ENO2: variants seen among roughly 807,000 people sequenced by gnomAD.
The protein encoded by ENO2 is gamma-enolase.
A neutral mutation model predicts 48.7 loss-of-function variants in ENO2; 19 were observed. The observed-to-expected ratio is 0.39, with a 90% CI of 0.27 to 0.57. The LOEUF (loss-of-function observed/expected upper bound fraction) is 0.57. ENO2 is among the 20% of genes least tolerant of loss of function. ENO2 has a pLI of 0.58. For missense variants in ENO2, 416 were observed against 555.0 expected (o/e 0.75, Z 2.52); for synonymous variants, 198 against 213.4 (o/e 0.93, Z 0.63).
chr12:6,920,827 C>G (rs968566952), intron 8 of ENO2, among the ~76,000 whole-genome samples: 1 of 145,930 alleles, frequency 6.9e-6, no homozygotes, highest in Non-Finnish European at 1.5e-5. Context: ...TCCCAAAGTG[C>G]TGGGATTACA....
intron 1 of ENO2, 21 bp from the exon 2 acceptor site, chr12:6,915,800 C>A: frequency 1.9e-6 from 3 of 1,548,598 alleles, no homozygotes; most frequent in Non-Finnish European, 2.6e-6. Context: ...CTTTCTCCTT[C>A]CTTCCCTTCC....
chr12:6,922,663 AC>A lies in ENO2; in HGVS notation c.1236-64del. On this transcript the variant is annotated intron_variant, in intron 11 of 11. Coordinates refer to ENST00000229277, the MANE Select transcript of ENO2 (RefSeq NM_001975.3). This position sits in a 1 kb window ranked among gnomAD's most constrained non-coding sequence, Gnocchi z 5.3. The stretch of plus-strand genomic sequence containing the variant: ...TGTGGGGGTGGTTGGAGTCTGGGGG[AC>A]CCCTAGAGAGAGAAGCAGGATCCTC... 6.3e-7 allele frequency: 1 copy of A among 1,575,428 alleles called. No individual in the cohort carries two copies.
rs1356475547 is a variant in ENO2, at chr12:6,915,817, GGA to G, written c.-12-1_-12del. On this transcript the variant is annotated splice_acceptor_variant and splice_polypyrimidine_tract_variant and intron_variant, in intron 1 of 11. Transcript: ENST00000229277. LOFTEE classifies it low-confidence loss of function (5UTR_SPLICE). ...TTCTCCTTCCTTCCCTTCCACCCGA[GGA>G]GATCCCAGCCATCATGTCCATAGAG... is the stretch of plus-strand genomic sequence containing the variant. 6.2e-7 allele frequency: 1 copy of G among 1,612,538 alleles called. No individual in the cohort carries two copies. Among genetic ancestry groups the G allele is most frequent in the Non-Finnish European group, 8.5e-7 (1 of 1,179,402 alleles).
intron 7 of ENO2, among the ~76,000 whole-genome samples, chr12:6,918,470 C>G (rs1945311703): frequency 6.8e-6 from 1 of 148,100 alleles, no homozygotes; most frequent in Non-Finnish European, 1.5e-5. Flanking sequence ...CCTGCCTCAG[C>G]CTCCCGAGTA....
chr12:6,917,206 A>G (rs1555141704), intron 5 of ENO2, 99 bp downstream of exon 5: 1 of 1,451,240 alleles, frequency 6.9e-7, no homozygotes, highest in African/African-American at 1.4e-5. Context: ...TTCCTCAGGA[A>G]TGACTGTCAG....
chr12:6,919,681 C>G lies in ENO2; in HGVS notation c.783C>G (p.Phe261Leu). 6.2e-7 allele frequency: 1 copy of G among 1,614,146 alleles called. No homozygotes were observed. The highest frequency in any genetic ancestry group is 8.5e-7 in the Non-Finnish European group (1 of 1,180,034). The change falls in exon 8 of 12, where the codon TTC becomes TTG. Residue 261 changes from phenylalanine to leucine, a missense_variant. Phe to Leu is a conservative substitution (Grantham distance 22). Transcript: ENST00000229277. ...GTGATGGCAAATATGACTTGGACTT[C>G]AAGTCTCCCACTGATCCTTCCCGAT... ...FYRDGKYDLD[F>L]KSPTDPSRYI...
At chr12:6,920,762 G>A (rs1384863187) in intron 8 of ENO2, among the ~76,000 whole-genome samples, 42 of 103,712 alleles carry the variant, frequency 4.0e-4, no homozygotes, top group Non-Finnish European at 7.1e-4. Context: ...GTTTAGCCAT[G>A]TTGCTCATGG....
rs375515019 is a variant in ENO2, at chr12:6,915,809, C to A, written c.-12-12C>A. The A allele has an allele frequency of 1.3e-5, 21 of 1,588,448 alleles. No homozygotes were observed. Among genetic ancestry groups the A allele is most frequent in the Non-Finnish European group, 1.7e-5 (20 of 1,163,822 alleles). ...TCTTATCTTTCTCCTTCCTTCCCTT[C>A]CACCCGAGGAGATCCCAGCCATCAT... On this transcript the variant is annotated splice_polypyrimidine_tract_variant and intron_variant, in intron 1 of 11. Transcript: ENST00000229277.
rs782033974 is a variant in ENO2, at chr12:6,922,798, T to C, written c.1303T>C (p.Ter435ArgextTer21). ...TAACTTCCGTAATCCCAGTGTGCTG[T>C]GATTCCTCTGCTTGCCTGGAGACGT... ...GHNFRNPSVL[*>R] Residue 435 changes from the stop codon to arginine, a stop_lost, in exon 12 of 12, where the codon TGA becomes CGA. Coordinates refer to ENST00000229277, the MANE Select transcript of ENO2 (RefSeq NM_001975.3). This position sits in a 1 kb window ranked among gnomAD's most constrained non-coding sequence, Gnocchi z 5.3. 1 of 1,613,996 alleles carries C rather than the reference T, an allele frequency of 6.2e-7. No individual in the cohort carries two copies. The highest frequency in any genetic ancestry group is 1.1e-5 in the South Asian group (1 of 91,074).
At chr12:6,917,919 T>C (rs1555141797) in intron 6 of ENO2, 21 bp from the exon 7 acceptor site, 4 of 1,613,252 alleles carry the variant, frequency 2.5e-6, no homozygotes, top group Non-Finnish European at 3.4e-6. Flanking sequence ...TTGACCCTTC[T>C]GTCTTTCTGT....
At chr12:6,921,909 C>A in intron 9 of ENO2, 127 bp downstream of exon 9, 3 of 1,483,980 alleles carry the variant, frequency 2.0e-6, no homozygotes, top group East Asian at 2.4e-5. Context: ...CCTCACAGTT[C>A]TCTCACCTCT....
At position 6,922,583 on chromosome 12, in the gene ENO2, C is replaced by G; in HGVS notation, c.1236-148C>G. On this transcript the variant is annotated intron_variant, in intron 11 of 11. Coordinates refer to ENST00000229277, the MANE Select transcript of ENO2 (RefSeq NM_001975.3). The surrounding 1 kb of genome is among the most constrained non-coding windows in gnomAD (Gnocchi z 5.3). ...GGCCTGATTGACAAATCCCAGAGAT[C>G]ACATGGGAAAGCCAGGGAATGCTAA... 4 of 1,248,844 alleles carry G rather than the reference C, an allele frequency of 3.2e-6. No individual in the cohort carries two copies. Among genetic ancestry groups the G allele is most frequent in the Non-Finnish European group, 1.2e-6 (1 of 863,044 alleles). The allele number at this position is 1,248,844 out of a possible 1,614,324, so 77.4% of individuals were successfully genotyped here. A position where few individuals can be genotyped will look rare whatever the true frequency, so the allele number is the denominator to read the frequency against.
At chr12:6,918,684 T>C (rs747409681) in intron 7 of ENO2, among the ~76,000 whole-genome samples, 1 of 150,712 alleles carries the variant, frequency 6.6e-6, no homozygotes, top group Non-Finnish European at 1.5e-5. Flanking sequence ...TAGCATCTGT[T>C]AAGTTGCCAC....
At chr12:6,919,973 C>T (rs1945325389) in intron 8 of ENO2, among the ~76,000 whole-genome samples, 1 of 152,134 alleles carries the variant, frequency 6.6e-6, no homozygotes, top group South Asian at 2.1e-4. Context: ...TCTGTTCTGT[C>T]TCAGATCCTG....
Position 6,916,356 on chromosome 12 carries a change from T to G in ENO2, c.86-61T>G. On this transcript the variant is annotated intron_variant, in intron 2 of 11. Transcript: ENST00000229277. The surrounding 1 kb of genome is among the most constrained non-coding windows in gnomAD (Gnocchi z 4.5). ...GGCAGGCAGTTTAGAGCCAGAAGGC[T>G]GAAGGACTCCCTGGCCCCTGTGTCC... The G allele has an allele frequency of 6.6e-7, 1 of 1,520,688 alleles. No individual in the cohort carries two copies. Among genetic ancestry groups the G allele is most frequent in the South Asian group, 1.2e-5 (1 of 83,850 alleles). The allele number at this position is 1,520,688 out of a possible 1,614,324, so 94.2% of individuals were successfully genotyped here. A position where few individuals can be genotyped will look rare whatever the true frequency, so the allele number is the denominator to read the frequency against.
In ENO2 at chr12:6,917,058, A is replaced by G. The variant is rs782790445; in HGVS notation, c.261A>G (p.Gln87=). 1.2e-6 allele frequency: 2 copies of G among 1,614,172 alleles called. No homozygotes were observed. Among genetic ancestry groups the G allele is most frequent in the Non-Finnish European group, 1.7e-6 (2 of 1,180,014 alleles). Residue 87 remains glutamine (Q), a synonymous_variant, in exon 5 of 12, where the codon CAA becomes CAG. Coordinates refer to ENST00000229277, the MANE Select transcript of ENO2 (RefSeq NM_001975.3). ...CTCAGGGTCTCTCTGTGGTGGAGCA[A>G]GAGAAACTGGACAACCTGATGCTGG... The part of the protein sequence containing the change: ...LISSGLSVVE[Q]EKLDNLMLEL...
Position 6,923,171 on chromosome 12 carries a change from T to A in ENO2, c.*371T>A, listed in dbSNP as rs1945358086. The A allele has an allele frequency of 1.1e-5, 3 of 267,166 alleles. No individual in the cohort carries two copies. The highest frequency in any genetic ancestry group is 2.2e-5 in the Non-Finnish European group (3 of 133,738). 16.5% of individuals were successfully genotyped at this position (267,166 alleles called of 1,614,324 possible). ...TTAGAGAGGGACCATGTGTCACTTG[T>A]GCTTTGCTCTTGTCCCACGTGTCTT... On this transcript the variant is annotated 3_prime_UTR_variant, in exon 12 of 12. Coordinates refer to ENST00000229277, the MANE Select transcript of ENO2 (RefSeq NM_001975.3).
At position 6,922,012 on chromosome 12, in the gene ENO2, G is replaced by A. The variant is rs782031317; in HGVS notation, c.1068-44G>A. On this transcript the variant is annotated intron_variant, in intron 9 of 11. Coordinates refer to ENST00000229277, the MANE Select transcript of ENO2 (RefSeq NM_001975.3). The surrounding 1 kb of genome is among the most constrained non-coding windows in gnomAD (Gnocchi z 5.3). ...CCAAGGTTGGGGCTGGGAAGAGAGT[G>A]CCCAGTGTGAGAGCTGGAGAATCAG... 10 of 1,608,058 alleles carry A rather than the reference G, an allele frequency of 6.2e-6. No individual in the cohort carries two copies. The highest frequency in any genetic ancestry group is 8.5e-6 in the Non-Finnish European group (10 of 1,174,482).
At chr12:6,920,110 T>C (rs1385245605) in intron 8 of ENO2, among the ~76,000 whole-genome samples, 1 of 151,878 alleles carries the variant, frequency 6.6e-6, no homozygotes, top group Non-Finnish European at 1.5e-5. Flanking sequence ...ATTGATGAAA[T>C]TGTGGATGCT....
Sources: allele counts gnomAD v4.1 joint callset (sites outside exome capture counted in the v4.1 genomes callset), GRCh38; gene constraint gnomAD v4.1.1; non-coding constraint Gnocchi (gnomAD v3.1); transcripts MANE v1.5; gene names NCBI Gene and HGNC (gene_info 2026-07-23, HGNC 2026-07-21).